Variants in RCOR1 observed in about 807,000 individuals in gnomAD.
RCOR1 encodes REST corepressor.
A neutral mutation model predicts 64.0 loss-of-function variants in RCOR1; 12 were observed. That is an observed-to-expected ratio of 0.19 (90% CI 0.12 to 0.30). The LOEUF is 0.30. Among genes scored for constraint, RCOR1 ranks in the 10% least tolerant of loss-of-function variants. RCOR1 has a pLI of 1.00. For synonymous variants in RCOR1, 279 were observed against 227.2 expected, an observed-to-expected ratio of 1.23 and a Z score of -2.05; for missense variants, 502 against 621.2, an observed-to-expected ratio of 0.81 and a Z score of 2.04.
In RCOR1 at chr14:102,699,863, C is replaced by T. The variant is rs185025612; in HGVS notation, c.446-1415C>T. 8.6e-5 allele frequency among the ~76,000 whole-genome samples: 13 copies of T among 151,562 alleles called. No homozygotes were observed. The East Asian group carries it at 2.5e-3, about 29-fold the overall frequency. ...GACTAGTGCATTATTTTTTCTTGTACACTTGGGAAGAAAGACTAGAATATC... is the reference window on the plus strand; with the variant it reads ...GACTAGTGCATTATTTTTTCTTGTATACTTGGGAAGAAAGACTAGAATATC... On this transcript the variant is annotated intron_variant, in intron 3 of 11. Transcript: ENST00000262241.
chr14:102,704,252 T>C (rs1895805884), intron 4 of RCOR1, among the ~76,000 whole-genome samples: 1 of 152,222 alleles, frequency 6.6e-6, no homozygotes, highest in Non-Finnish European at 1.5e-5. Flanking sequence ...GCTCTGCTCA[T>C]TCCAGTGGAA....
chr14:102,680,476 A>G (rs1317948690), intron 2 of RCOR1, among the ~76,000 whole-genome samples: 2 of 152,156 alleles, frequency 1.3e-5, no homozygotes, highest in African/African-American at 4.8e-5. Flanking sequence ...TAGCGTTAGC[A>G]TTGTTCTGAA....
At chr14:102,698,010 C>T (rs764997759) in intron 3 of RCOR1, among the ~76,000 whole-genome samples, 50 of 152,262 alleles carry the variant, frequency 3.3e-4, no homozygotes, top group African/African-American at 8.4e-4. Context: ...CATGAGCCAC[C>T]GCACCCGGCC....
intron 2 of RCOR1, among the ~76,000 whole-genome samples, chr14:102,646,836 C>G (rs1436656122): frequency 6.6e-6 from 1 of 152,118 alleles, no homozygotes; most frequent in Non-Finnish European, 1.5e-5. Flanking sequence ...CACACGTGCG[C>G]TCACACACAG....
chr14:102,721,482 T>C, intron 10 of RCOR1, 105 bp downstream of exon 10: 1 of 761,718 alleles, frequency 1.3e-6, no homozygotes, highest in East Asian at 2.7e-5. Flanking sequence ...GCCCAGGAGC[T>C]CAAGGCTGCA....
At position 102,729,869 on chromosome 14, in the gene RCOR1, T is replaced by C. The variant is rs911669242; in HGVS notation, c.*3363T>C. 7 of 398,924 alleles carry C rather than the reference T, an allele frequency of 1.8e-5. No homozygotes were observed. The highest frequency in any genetic ancestry group is 6.2e-4 in the Middle Eastern group (1 of 1,610). 24.7% of individuals were successfully genotyped at this position (398,924 alleles called of 1,614,324 possible). ...CCAACGAGGGCCTCTTTTTCTCTCT[T>C]GTCTAGCCTGTTTCTAAACCGAATG... On this transcript the variant is annotated 3_prime_UTR_variant, in exon 12 of 12. Coordinates refer to ENST00000262241, the MANE Select transcript of RCOR1 (RefSeq NM_015156.4).
intron 3 of RCOR1, among the ~76,000 whole-genome samples, chr14:102,698,822 A>G (rs1430786974): frequency 3.9e-5 from 6 of 152,180 alleles, no homozygotes; most frequent in African/African-American, 1.4e-4. Flanking sequence ...GAGCAGCCTC[A>G]TCTGACATTT....
chr14:102,680,549 T>A (rs1291182676), intron 2 of RCOR1, among the ~76,000 whole-genome samples: 1 of 152,212 alleles, frequency 6.6e-6, no homozygotes, highest in Non-Finnish European at 1.5e-5. Context: ...GGCTCACACC[T>A]GTAATCCCAG....
chr14:102,632,611 A>G (rs991323714), intron 2 of RCOR1, among the ~76,000 whole-genome samples: 1 of 107,944 alleles, frequency 9.3e-6, no homozygotes, highest in African/African-American at 3.9e-5. Context: ...ACTGCATGCT[A>G]TCCTTTCCTT....
At position 102,728,736 on chromosome 14, in the gene RCOR1, C is replaced by T. The variant is rs1896318065; in HGVS notation, c.*2230C>T. On this transcript the variant is annotated 3_prime_UTR_variant, in exon 12 of 12. Coordinates refer to ENST00000262241, the MANE Select transcript of RCOR1 (RefSeq NM_015156.4). ...TTGGTTCCTGGCACTGAATGGTCTC[C>T]AGCCCTGAAGAATCACGTGTGATCA... 1 of 152,110 alleles carries T rather than the reference C, an allele frequency of 6.6e-6. No homozygotes were observed. Among genetic ancestry groups the T allele is most frequent in the Non-Finnish European group, 1.5e-5 (1 of 68,034 alleles). The allele number at this position is 152,110 out of a possible 1,614,324, so 9.4% of individuals were successfully genotyped here. A position where few individuals can be genotyped will look rare whatever the true frequency, so the allele number is the denominator to read the frequency against.
intron 8 of RCOR1, among the ~76,000 whole-genome samples, chr14:102,719,854 A>G (rs1896142976): frequency 6.6e-6 from 1 of 152,222 alleles, no homozygotes; most frequent in South Asian, 2.1e-4. Context: ...AGGACATGTA[A>G]TATTCTAAAC....
At chr14:102,686,342 A>G (rs1344750217) in intron 3 of RCOR1, among the ~76,000 whole-genome samples, 3 of 152,182 alleles carry the variant, frequency 2.0e-5, no homozygotes, top group Non-Finnish European at 4.4e-5. Flanking sequence ...GTGCCCATTT[A>G]TCTTCTGCCC....
At chr14:102,716,225 G>GT (rs796718792) in intron 8 of RCOR1, among the ~76,000 whole-genome samples, 5 of 151,720 alleles carry the variant, frequency 3.3e-5, no homozygotes, top group East Asian at 1.9e-4. Context: ...AGTCTCATCT[G>GT]TTTTTTTTCT....
At chr14:102,713,892 C>G (rs1330099898) in intron 7 of RCOR1, among the ~76,000 whole-genome samples, 1 of 152,206 alleles carries the variant, frequency 6.6e-6, no homozygotes, top group African/African-American at 2.4e-5. Context: ...AAGTTATATT[C>G]TTTAACTTGA....
chr14:102,598,088 C>T (rs1267952761), intron 2 of RCOR1, among the ~76,000 whole-genome samples: 1 of 152,122 alleles, frequency 6.6e-6, no homozygotes, highest in East Asian at 1.9e-4. Context: ...TCCCAGAGTG[C>T]TGGGATTATA....
intron 2 of RCOR1, among the ~76,000 whole-genome samples, chr14:102,656,713 C>G (rs1894732179): frequency 6.6e-6 from 1 of 151,970 alleles, no homozygotes; most frequent in South Asian, 2.1e-4. Context: ...AGCGATCTAC[C>G]CACCTCAGCC....
At chr14:102,659,328 A>C in intron 2 of RCOR1, 8 of 933,256 alleles carry the variant, frequency 8.6e-6, no homozygotes, top group Non-Finnish European at 1.0e-5. Context: ...GAGGTACCAG[A>C]ATCATTAAGG....
chr14:102,668,662 G>A (rs1023045388), intron 2 of RCOR1, among the ~76,000 whole-genome samples: 2 of 152,044 alleles, frequency 1.3e-5, no homozygotes, highest in African/African-American at 2.4e-5. Flanking sequence ...GCTAGTGGGA[G>A]TATACATACC....
At chr14:102,637,690 T>C (rs1894273698) in intron 2 of RCOR1, among the ~76,000 whole-genome samples, 1 of 152,196 alleles carries the variant, frequency 6.6e-6, no homozygotes. Flanking sequence ...TTCAAAACGA[T>C]TTGCCTGCCT....
Sources: allele counts gnomAD v4.1 joint callset (sites outside exome capture counted in the v4.1 genomes callset), GRCh38; gene constraint gnomAD v4.1.1; transcripts MANE v1.5; gene names NCBI Gene and HGNC (gene_info 2026-07-23, HGNC 2026-07-21).